The following SPNS3 variants were observed in gnomAD, a reference collection of about 807,000 sequenced individuals.
SPNS3 encodes protein spinster homolog 3.
Under a neutral mutation model 54.4 loss-of-function variants are expected in SPNS3, and 51 were observed. The observed-to-expected ratio is 0.94, with a 90% CI of 0.75 to 1.18. The LOEUF (loss-of-function observed/expected upper bound fraction) is 1.18. Among genes scored for constraint, SPNS3 ranks in the 50% most tolerant of loss-of-function variants. The pLI is 0.00. For missense variants in SPNS3, 669 were observed against 677.4 expected (o/e 0.99, Z 0.14); for synonymous variants, 309 against 294.7 (o/e 1.05, Z -0.50).
intron 2 of SPNS3, among the ~76,000 whole-genome samples, chr17:4,440,651 A>G (rs77302896): frequency 0.1 from 15,507 of 152,046 alleles, 992 homozygotes; most frequent in African/African-American, 0.18. Context: ...ACCATGGTAA[A>G]CAGAAAGGGA....
chr17:4,445,276 G>T, intron 3 of SPNS3, 108 bp downstream of exon 3: 4 of 1,173,152 alleles, frequency 3.4e-6, no homozygotes, highest in Non-Finnish European at 4.8e-6. Flanking sequence ...TCCATTCCTG[G>T]CTGTGACTGG....
At position 4,458,646 on chromosome 17, in the gene SPNS3, T is replaced by TTTCTTTCTTTCC. The variant is rs748150277; in HGVS notation, c.1113+5444_1113+5445insTTTCTTTCCTTC. On this transcript the variant is annotated intron_variant, in intron 8 of 11. Coordinates refer to ENST00000355530, the MANE Select transcript of SPNS3 (RefSeq NM_182538.5). ...CTTTCTTTCTTTCTTTCTTTCTTTC[T>TTTCTTTCTTTCC]TTCCTTCCTTCTTTCTTTCTTTCTT... Among the ~76,000 whole-genome samples, 743 of 128,038 alleles carry TTTCTTTCTTTCC rather than the reference T, an allele frequency of 5.8e-3. 10 individuals carry two copies. The highest frequency in any genetic ancestry group is 0.015 in the Middle Eastern group (4 of 268). The allele number at this position is 128,038 out of a possible 152,430, so 84.0% of individuals were successfully genotyped here.
chr17:4,478,585 T>C lies in SPNS3; in HGVS notation c.1127T>C (p.Leu376Pro). 6.3e-7 allele frequency: 1 copy of C among 1,580,830 alleles called. No homozygotes were observed. Among genetic ancestry groups the C allele is most frequent in the Non-Finnish European group, 8.6e-7 (1 of 1,162,972 alleles). The change falls in exon 9 of 12, where the codon CTT becomes CCT. Residue 376 changes from leucine (L) to proline (P), a missense_variant. Leu to Pro is a moderately conservative substitution (Grantham distance 98). Transcript: ENST00000355530. ...CTCTGTCCACAGGTGTTCCTGGGCC[T>C]TGGGGAGCTGCTTCTGTCCTGCAAC... ...TLLASYVFLG[L>P]GELLLSCNWA... is the part of the protein sequence containing the mutation.
intron 5 of SPNS3, among the ~76,000 whole-genome samples, chr17:4,447,911 G>A (rs112744473): frequency 4.5e-4 from 69 of 152,274 alleles, no homozygotes; most frequent in Middle Eastern, 3.4e-3. Context: ...CTGGAAAGAC[G>A]GGAATTACAT....
In SPNS3 at chr17:4,446,205, T is replaced by C. The variant is rs987827630; in HGVS notation, c.554+6T>C. ...ATCTTTATCCCCGTTGGAAGGTTGG[T>C]ATCACCCGTGGGTCTACTTCCCCAG... On this transcript the variant is annotated splice_donor_region_variant and intron_variant, in intron 4 of 11. Coordinates refer to ENST00000355530, the MANE Select transcript of SPNS3 (RefSeq NM_182538.5). 8.1e-6 allele frequency: 13 copies of C among 1,607,060 alleles called. No individual in the cohort carries two copies. Among genetic ancestry groups the C allele is most frequent in the Admixed American group, 3.4e-5 (2 of 59,682 alleles).
intron 8 of SPNS3, among the ~76,000 whole-genome samples, chr17:4,453,738 T>C (rs1327001562): frequency 6.6e-6 from 1 of 152,186 alleles, no homozygotes; most frequent in African/African-American, 2.4e-5. Flanking sequence ...TGGGTTAATG[T>C]GTTAATTTGA....
intron 8 of SPNS3, among the ~76,000 whole-genome samples, chr17:4,469,263 T>G (rs1397868918): frequency 2.0e-5 from 3 of 152,088 alleles, no homozygotes; most frequent in Non-Finnish European, 4.4e-5. Flanking sequence ...TTTCTGTATT[T>G]TTTTGTAGAG....
intron 7 of SPNS3, among the ~76,000 whole-genome samples, chr17:4,452,010 G>A (rs570243771): frequency 2.2e-4 from 33 of 152,186 alleles, no homozygotes; most frequent in Admixed American, 3.3e-4. Context: ...GGGGCTGGAG[G>A]TTGCACAATG....
intron 7 of SPNS3, among the ~76,000 whole-genome samples, chr17:4,452,442 G>C (rs1672010702): frequency 6.6e-6 from 1 of 151,994 alleles, no homozygotes; most frequent in African/African-American, 2.4e-5. Flanking sequence ...CTAAAAGTGG[G>C]TGGGAAAGGG....
At chr17:4,461,017 C>G (rs941420105) in intron 8 of SPNS3, among the ~76,000 whole-genome samples, 1 of 152,116 alleles carries the variant, frequency 6.6e-6, no homozygotes, top group Admixed American at 6.6e-5. Context: ...ATTGCTAACT[C>G]AATATTTACT....
chr17:4,455,150 G>T (rs995354431), intron 8 of SPNS3, among the ~76,000 whole-genome samples: 2 of 152,166 alleles, frequency 1.3e-5, no homozygotes, highest in East Asian at 1.9e-4. Flanking sequence ...CTGACCTCAG[G>T]CGATCCGCCT....
intron 9 of SPNS3, among the ~76,000 whole-genome samples, chr17:4,480,250 C>A (rs956664349): frequency 6.6e-6 from 1 of 152,222 alleles, no homozygotes; most frequent in Non-Finnish European, 1.5e-5. Context: ...GACTTGGGCT[C>A]CAGCCCAGAG....
chr17:4,439,193 G>A (rs1417467092), intron 1 of SPNS3, among the ~76,000 whole-genome samples: 1 of 151,420 alleles, frequency 6.6e-6, no homozygotes, highest in Non-Finnish European at 1.5e-5. Context: ...GCGCGATCTC[G>A]GCTCACTGCA....
At chr17:4,464,378 G>A (rs1472488067) in intron 8 of SPNS3, among the ~76,000 whole-genome samples, 1 of 152,204 alleles carries the variant, frequency 6.6e-6, no homozygotes, top group Non-Finnish European at 1.5e-5. Context: ...ACCCAAAGCA[G>A]GGCCTCCACT....
chr17:4,434,604 C>G (rs997592691), intron 1 of SPNS3, among the ~76,000 whole-genome samples: 19 of 151,300 alleles, frequency 1.3e-4, no homozygotes, highest in Non-Finnish European at 2.1e-4. Context: ...TCAAGTGATT[C>G]TCCTGCCTCA....
chr17:4,445,751 G>A (rs781315044), intron 3 of SPNS3, among the ~76,000 whole-genome samples: 7 of 152,038 alleles, frequency 4.6e-5, no homozygotes, highest in East Asian at 1.9e-4. Flanking sequence ...ATTTCTGCCC[G>A]ACTCTGCTGG....
At chr17:4,469,400 T>G (rs1971795330) in intron 8 of SPNS3, among the ~76,000 whole-genome samples, 1 of 152,148 alleles carries the variant, frequency 6.6e-6, no homozygotes, top group Admixed American at 6.6e-5. Flanking sequence ...ACTGGACATA[T>G]TAAGAGGCAA....
rs200192184 is a variant in SPNS3, at chr17:4,479,136, T to TTC, written c.1179+500_1179+501dup. Among the ~76,000 whole-genome samples the TTC allele has an allele frequency of 0.042, 6,457 of 152,288 alleles. 981 individuals are homozygous for TTC. The East Asian group carries it at 0.59, about 14-fold the overall frequency. ...TTTGTATTTTTAGTAGAGACAGGGT[T>TTC]TCACCATATTGGCGAGGCTGGTCTT... On this transcript the variant is annotated intron_variant, in intron 9 of 11. Transcript: ENST00000355530.
At chr17:4,459,163 T>G (rs1411371155) in intron 8 of SPNS3, among the ~76,000 whole-genome samples, 1 of 152,114 alleles carries the variant, frequency 6.6e-6, no homozygotes, top group Admixed American at 6.6e-5. Flanking sequence ...CGCCCAGTGT[T>G]GTCGTCCTGG....
Sources: allele counts gnomAD v4.1 joint callset (sites outside exome capture counted in the v4.1 genomes callset), GRCh38; gene constraint gnomAD v4.1.1; transcripts MANE v1.5; gene names NCBI Gene and HGNC (gene_info 2026-07-23, HGNC 2026-07-21).